The following ERCC8 variants were observed in gnomAD, a reference collection of about 807,000 sequenced individuals.
ERCC8 encodes the protein ERCC excision repair 8, CSA ubiquitin ligase complex subunit.
A neutral mutation model predicts 54.9 loss-of-function variants in ERCC8; 52 were observed. The ratio of observed to expected loss-of-function variants is 0.95; its 90% CI spans 0.76 to 1.19. The LOEUF (loss-of-function observed/expected upper bound fraction) is 1.19, where lower values mean the gene tolerates loss of function less well. Among genes scored for constraint, ERCC8 ranks in the 50% most tolerant of loss-of-function variants. ERCC8 has a pLI of 0.00. For synonymous variants in ERCC8, 146 were observed against 157.2 expected (o/e 0.93, Z 0.53); for missense variants, 514 against 466.1 (o/e 1.10, Z -0.95).
chr5:60,921,992 T>C (rs1032427444), intron 3 of ERCC8, 62 bp downstream of exon 3: 457 of 1,170,176 alleles, frequency 3.9e-4, no homozygotes, highest in Admixed American at 5.9e-4. Context: ...ATGTTTTGCA[T>C]TCGATGCAAA....
Position 60,922,117 on chromosome 5 carries a change from T to G in ERCC8, c.212A>C (p.Tyr71Ser). ...TTGTCTGCTGGAGTTCTCAAGGTCA[T>G]AAAGTACAATCACACCATCTGAACC... ...SGGSDGVIVL[Y>S]DLENSSRQSY... Residue 71 changes from tyrosine to serine, a missense_variant, in exon 3 of 12, where the codon TAT becomes TCT. Coordinates refer to ENST00000676185, the MANE Select transcript of ERCC8 (RefSeq NM_000082.4). The G allele has an allele frequency of 6.2e-7, 1 of 1,610,630 alleles. No homozygotes were observed.
In ERCC8 at chr5:60,887,466, A is replaced by G. The variant is rs1561497050; in HGVS notation, c.1096T>C (p.Tyr366His). Residue 366 changes from tyrosine to histidine, a missense_variant, in exon 11 of 12, where the codon TAT (tyrosine) becomes CAT (histidine). Physicochemically the swap from Tyr to His is moderately conservative, Grantham distance 83. Coordinates refer to ENST00000676185, the MANE Select transcript of ERCC8 (RefSeq NM_000082.4). ...CNILAWVPSL[Y>H]EPVPDDDETT... is the part of the protein sequence containing the mutation. ...TCATCATCATCAGGAACTGGTTCAT[A>G]TAAGGATGGAACCCAAGCCAGAATG... is the stretch of plus-strand genomic sequence containing the variant. The G allele has an allele frequency of 2.5e-6, 4 of 1,613,814 alleles. No individual in the cohort carries two copies. Among genetic ancestry groups the G allele is most frequent in the Admixed American group, 1.7e-5 (1 of 60,026 alleles).
chr5:60,887,063 T>C (rs575487960), intron 11 of ERCC8, among the ~76,000 whole-genome samples: 2 of 152,306 alleles, frequency 1.3e-5, no homozygotes, highest in East Asian at 3.9e-4. Context: ...TTAAAAAACA[T>C]ATGCATAGGA....
intron 11 of ERCC8, among the ~76,000 whole-genome samples, chr5:60,886,716 A>C (rs1227675089): frequency 1.5e-5 from 2 of 137,876 alleles, no homozygotes; most frequent in Non-Finnish European, 3.2e-5. Context: ...AAATAAAAAT[A>C]AAAATAAAAA....
rs528594052 is a variant in ERCC8 at position 60,941,485 on chromosome 5, G to C, written c.77+3447C>G. Reference sequence around the variant, plus strand: ...TCATTGGAGGTCTAGAAGGAGAAGAGAAAGAGTGTAGTGTTGAAAAAACAT... The same window carrying C: ...TCATTGGAGGTCTAGAAGGAGAAGACAAAGAGTGTAGTGTTGAAAAAACAT... On this transcript the variant is annotated intron_variant, in intron 1 of 11. Transcript: ENST00000676185. Among the ~76,000 whole-genome samples the C allele has an allele frequency of 3.9e-5, 6 of 152,274 alleles. No individual in the cohort carries two copies. In the East Asian group the frequency reaches 1.2e-3, roughly 29 times the overall value.
rs1747775831 is a variant in ERCC8 at position 60,867,395 on chromosome 5, C to G, written c.*7220G>C. ...TCTGATGCCCAAAGTGCTGGGTTTA[C>G]AGGTGTGAGCCACTGCGCCTGGCCT... On this transcript the variant is annotated 3_prime_UTR_variant, in exon 12 of 12. Coordinates refer to ENST00000676185, the MANE Select transcript of ERCC8 (RefSeq NM_000082.4). 6.6e-6 allele frequency among the ~76,000 whole-genome samples: 1 copy of G among 152,058 alleles called. No homozygotes were observed. Among genetic ancestry groups the G allele is most frequent in the South Asian group, 2.1e-4 (1 of 4,820 alleles).
At chr5:60,892,344 C>T (rs1334876985) in intron 9 of ERCC8, 8 of 552,220 alleles carry the variant, frequency 1.4e-5, no homozygotes, top group Non-Finnish European at 2.9e-5. Context: ...TCATCAGATT[C>T]TCCAGTGGCC....
At chr5:60,890,747 C>A in intron 10 of ERCC8, 142 bp downstream of exon 10, 1 of 677,120 alleles carries the variant, frequency 1.5e-6, no homozygotes. Flanking sequence ...CTAGGCTGTG[C>A]TATTCTCTAT....
intron 1 of ERCC8, among the ~76,000 whole-genome samples, chr5:60,931,762 G>A (rs1396240843): frequency 6.6e-6 from 1 of 151,844 alleles, no homozygotes; most frequent in Admixed American, 6.6e-5. Context: ...AATTACAACA[G>A]AATATATGCT....
In ERCC8 at chr5:60,874,553, G is replaced by GA. The variant is rs747271093; in HGVS notation, c.*61dup. The stretch of plus-strand genomic sequence containing the variant: ...GCTGTCAGGAATAGACCATACAGTT[G>GA]AAAAAAACACAGTCTCATTTAAAAA... On this transcript the variant is annotated 3_prime_UTR_variant, in exon 12 of 12. Coordinates refer to ENST00000676185, the MANE Select transcript of ERCC8 (RefSeq NM_000082.4). 8.9e-6 allele frequency: 13 copies of GA among 1,456,992 alleles called. No individual in the cohort carries two copies. The highest frequency in any genetic ancestry group is 1.1e-5 in the Non-Finnish European group (11 of 1,042,796). The allele number at this position is 1,456,992 out of a possible 1,614,324, so 90.3% of individuals were successfully genotyped here.
In ERCC8 at chr5:60,887,560, G is replaced by A. The variant is rs1389400451; in HGVS notation, c.1042-40C>T. ...GCAAAGATGATACTGTGGATCAAGAGCTGATATCAAACTGAAATGAATTAT... is the reference window on the plus strand; with the variant it reads ...GCAAAGATGATACTGTGGATCAAGAACTGATATCAAACTGAAATGAATTAT... On this transcript the variant is annotated intron_variant, in intron 10 of 11. Transcript: ENST00000676185. 3.6e-6 allele frequency: 5 copies of A among 1,383,710 alleles called. No individual in the cohort carries two copies. The East Asian group carries it at 1.1e-4, about 32-fold the overall frequency. The allele number at this position is 1,383,710 out of a possible 1,614,324, so 85.7% of individuals were successfully genotyped here. A position where few individuals can be genotyped will look rare whatever the true frequency, so the allele number is the denominator to read the frequency against.
chr5:60,881,988 G>A (rs571577030), intron 11 of ERCC8, among the ~76,000 whole-genome samples: 62 of 152,144 alleles, frequency 4.1e-4, no homozygotes, highest in African/African-American at 1.5e-3. Flanking sequence ...GTTCCTATTC[G>A]GCCATCTTGG....
chr5:60,869,582 C>T lies in ERCC8; in HGVS notation c.*5033G>A, dbSNP rs1024623400. Among the ~76,000 whole-genome samples, 2 of 152,088 alleles carry T rather than the reference C, an allele frequency of 1.3e-5. No homozygotes were observed. The highest frequency in any genetic ancestry group is 4.8e-5 in the African/African-American group (2 of 41,418). ...TAGTATAAACTGGACACAAGGAACACTTCAGTTCATGGGATAACTTTTTTT... is the reference window on the plus strand; with the variant it reads ...TAGTATAAACTGGACACAAGGAACATTTCAGTTCATGGGATAACTTTTTTT... On this transcript the variant is annotated 3_prime_UTR_variant, in exon 12 of 12. Coordinates refer to ENST00000676185, the MANE Select transcript of ERCC8 (RefSeq NM_000082.4).
intron 9 of ERCC8, among the ~76,000 whole-genome samples, chr5:60,895,511 A>T (rs182582204): frequency 7.2e-5 from 11 of 152,312 alleles, no homozygotes; most frequent in African/African-American, 2.6e-4. Flanking sequence ...AACGGAAATA[A>T]CATCATTTAC....
intron 3 of ERCC8, among the ~76,000 whole-genome samples, chr5:60,921,397 A>G (rs559562775): frequency 6.6e-6 from 1 of 152,088 alleles, no homozygotes; most frequent in Admixed American, 6.6e-5. Flanking sequence ...ATCAGATTGA[A>G]TGTAGGTGAA....
At position 60,940,511 on chromosome 5, in the gene ERCC8, GAGAA is replaced by G. The variant is rs1200081564; in HGVS notation, c.77+4417_77+4420del. On this transcript the variant is annotated intron_variant, in intron 1 of 11. Transcript: ENST00000676185. ...TAGATGGCCAAAACAGGGAGTCCCA[GAGAA>G]CTGGGAAGCATCCAGGAGATCACAG... Among the ~76,000 whole-genome samples, 499 of 152,284 alleles carry G rather than the reference GAGAA, an allele frequency of 3.3e-3. 2 individuals carry two copies. The highest frequency in any genetic ancestry group is 0.012 in the African/African-American group (483 of 41,552).
At chr5:60,938,414 C>T (rs1321860428) in intron 1 of ERCC8, among the ~76,000 whole-genome samples, 3 of 141,764 alleles carry the variant, frequency 2.1e-5, no homozygotes, top group Admixed American at 1.5e-4. Flanking sequence ...AGTGCAGTGA[C>T]ACTATGTCGG....
chr5:60,898,468 T>C, intron 8 of ERCC8, 68 bp from the exon 9 acceptor site: 1 of 1,568,094 alleles, frequency 6.4e-7, no homozygotes, highest in South Asian at 1.1e-5. Flanking sequence ...TTTGATGATA[T>C]AATTAAACAT....
chr5:60,914,701 T>A (rs1450110722), intron 4 of ERCC8, among the ~76,000 whole-genome samples: 4 of 148,400 alleles, frequency 2.7e-5, no homozygotes, highest in Non-Finnish European at 3.0e-5. Flanking sequence ...GAGCTGAGAA[T>A]CCCTTGAGCC....
Sources: allele counts gnomAD v4.1 joint callset (sites outside exome capture counted in the v4.1 genomes callset), GRCh38; gene constraint gnomAD v4.1.1; transcripts MANE v1.5; gene names NCBI Gene and HGNC (gene_info 2026-07-23, HGNC 2026-07-21).